Variants in ZC2HC1B observed in about 807,000 individuals in gnomAD.
ZC2HC1B encodes the protein zinc finger C2HC domain-containing protein 1B.
ZC2HC1B carries 36 observed loss-of-function variants against 31.0 expected under a neutral mutation model. That is an observed-to-expected ratio of 1.16 (90% CI 0.89 to 1.54). The LOEUF (loss-of-function observed/expected upper bound fraction) is 1.54, where lower values mean the gene tolerates loss of function less well. Ranked by LOEUF, ZC2HC1B falls within the 40% of genes most tolerant of loss-of-function variation. The pLI, the probability that ZC2HC1B is intolerant of heterozygous loss-of-function variation, is 0.00. For missense variants in ZC2HC1B, 260 were observed against 268.6 expected, an observed-to-expected ratio of 0.97 and a Z score of 0.22; for synonymous variants, 73 against 88.0, an observed-to-expected ratio of 0.83 and a Z score of 0.95.
rs941534960 is a variant in ZC2HC1B at position 143,864,487 on chromosome 6, C to G, written c.-53C>G. The G allele has an allele frequency of 5.2e-6, 8 of 1,543,872 alleles. No individual in the cohort carries two copies. In the African/African-American group the frequency reaches 9.6e-5, roughly 19 times the overall value. On this transcript the variant is annotated 5_prime_UTR_variant, in exon 1 of 8. In the 5' UTR this introduces an upstream ATG that the reference lacks. Transcript: ENST00000237275. ...ATGTTCTTGACTAGTATGATGTTATCTGGACTGGGCTGTAAAAATCTGTGA... is the reference window on the plus strand; with the variant it reads ...ATGTTCTTGACTAGTATGATGTTATGTGGACTGGGCTGTAAAAATCTGTGA...
At position 143,879,890 on chromosome 6, in the gene ZC2HC1B, T is replaced by A. The variant is rs1171702102; in HGVS notation, c.29-4414T>A. On this transcript the variant is annotated intron_variant, in intron 1 of 7. Transcript: ENST00000237275. ...TCTGTTGCCCAGCAGGCACAATCAATCATGGCTCACTGCAACCTCAGCCTC... is the reference window on the plus strand; with the variant it reads ...TCTGTTGCCCAGCAGGCACAATCAAACATGGCTCACTGCAACCTCAGCCTC... 1.6e-4 allele frequency among the ~76,000 whole-genome samples: 21 copies of A among 132,974 alleles called. No individual in the cohort carries two copies. The Admixed American group carries it at 1.7e-3, about 11-fold the overall frequency. The allele number at this position is 132,974 out of a possible 152,430, so 87.2% of individuals were successfully genotyped here.
rs1234305751 is a variant in ZC2HC1B, at chr6:143,905,448, GTT to G, written c.598+2301_598+2302del. 6.6e-6 allele frequency among the ~76,000 whole-genome samples: 1 copy of G among 152,278 alleles called. No individual in the cohort carries two copies. Among genetic ancestry groups the G allele is most frequent in the East Asian group, 1.9e-4 (1 of 5,192 alleles). On this transcript the variant is annotated intron_variant, in intron 6 of 7. Transcript: ENST00000237275. This position sits in a 1 kb window ranked among gnomAD's most constrained non-coding sequence, Gnocchi z 4.2. ...TGAATTAATTTATTGCTTCTAATAA[GTT>G]TTTTGGTGATATCTTTAGGATTTTC...
intron 6 of ZC2HC1B, among the ~76,000 whole-genome samples, chr6:143,904,828 T>C (rs1253855064): frequency 6.6e-6 from 1 of 152,224 alleles, no homozygotes; most frequent in Non-Finnish European, 1.5e-5. Context: ...TGAATGTAGA[T>C]GTCCAGTTTC....
intron 6 of ZC2HC1B, among the ~76,000 whole-genome samples, chr6:143,916,973 A>G (rs1304091367): frequency 6.6e-6 from 1 of 152,214 alleles, no homozygotes; most frequent in Non-Finnish European, 1.5e-5. Context: ...TGAAATGTGA[A>G]GACATGAGAT....
intron 6 of ZC2HC1B, among the ~76,000 whole-genome samples, chr6:143,928,824 G>GTTTT (rs59359194): frequency 7.7e-5 from 11 of 142,318 alleles, no homozygotes; most frequent in South Asian, 2.2e-4. Context: ...TATTCCTAGG[G>GTTTT]TTTTTTTTTT....
intron 6 of ZC2HC1B, among the ~76,000 whole-genome samples, chr6:143,927,549 T>C (rs371652292): frequency 6.3e-4 from 96 of 152,328 alleles, no homozygotes; most frequent in East Asian, 4.6e-3. Context: ...CAATCATCCA[T>C]TGATGGTTAT....
In ZC2HC1B at chr6:143,918,785, T is replaced by A. The variant is rs1777949832; in HGVS notation, c.598+15633T>A. On this transcript the variant is annotated intron_variant, in intron 6 of 7. Transcript: ENST00000237275. The surrounding 1 kb of genome is among the most constrained non-coding windows in gnomAD (Gnocchi z 4.1). ...TCCTCAGACTTGATAATTTCCATTG[T>A]CCTGTCTTTAAGTTTGCTGAGTCTT... Among the ~76,000 whole-genome samples the A allele has an allele frequency of 6.6e-6, 1 of 152,202 alleles. No individual in the cohort carries two copies. Among genetic ancestry groups the A allele is most frequent in the Non-Finnish European group, 1.5e-5 (1 of 68,030 alleles).
intron 1 of ZC2HC1B, among the ~76,000 whole-genome samples, chr6:143,882,659 A>G (rs1582954973): frequency 6.6e-6 from 1 of 151,788 alleles, no homozygotes; most frequent in Non-Finnish European, 1.5e-5. Context: ...CCTAAGGATC[A>G]TCTCTGCACT....
In ZC2HC1B at chr6:143,884,644, A is replaced by G. The variant is rs7755147; in HGVS notation, c.90+279A>G. The stretch of plus-strand genomic sequence containing the variant: ...TCCCTCAAGAGGTTTTGGCTCTTCC[A>G]CCTTTTCTTTAAGCATCGAAAATTC... On this transcript the variant is annotated intron_variant, in intron 2 of 7. Coordinates refer to ENST00000237275, the MANE Select transcript of ZC2HC1B (RefSeq NM_001013623.3). This position sits in a 1 kb window ranked among gnomAD's most constrained non-coding sequence, Gnocchi z 5.1. 0.051 allele frequency among the ~76,000 whole-genome samples: 7,788 copies of G among 152,184 alleles called. 300 individuals are homozygous for G. Among genetic ancestry groups the G allele is most frequent in the African/African-American group, 0.088 (3,637 of 41,512 alleles).
chr6:143,886,901 T>C lies in ZC2HC1B; in HGVS notation c.349+80T>C. 8.1e-7 allele frequency: 1 copy of C among 1,238,978 alleles called. No homozygotes were observed. Among genetic ancestry groups the C allele is most frequent in the Non-Finnish European group, 1.1e-6 (1 of 952,372 alleles). 76.7% of individuals were successfully genotyped at this position (1,238,978 alleles called of 1,614,324 possible). ...ATCATGCCCTCTATGCACTCTGAAA[T>C]TGACAATAACAATTACATAGAAGTA... On this transcript the variant is annotated intron_variant, in intron 4 of 7. Coordinates refer to ENST00000237275, the MANE Select transcript of ZC2HC1B (RefSeq NM_001013623.3). The surrounding 1 kb of genome is among the most constrained non-coding windows in gnomAD (Gnocchi z 4.2).
In ZC2HC1B at chr6:143,918,708, C is replaced by T. The variant is rs373048779; in HGVS notation, c.598+15556C>T. Among the ~76,000 whole-genome samples the T allele has an allele frequency of 2.0e-5, 3 of 152,232 alleles. No homozygotes were observed. Among genetic ancestry groups the T allele is most frequent in the South Asian group, 2.1e-4 (1 of 4,832 alleles). Reference sequence around the variant, plus strand: ...ATATGTTGGTCAGTTTGACAGTGTCCCACAGGTCCCTAAGGCTCTGTTCAC... The same window carrying T: ...ATATGTTGGTCAGTTTGACAGTGTCTCACAGGTCCCTAAGGCTCTGTTCAC... On this transcript the variant is annotated intron_variant, in intron 6 of 7. Coordinates refer to ENST00000237275, the MANE Select transcript of ZC2HC1B (RefSeq NM_001013623.3). The surrounding 1 kb of genome is among the most constrained non-coding windows in gnomAD (Gnocchi z 4.1).
intron 6 of ZC2HC1B, among the ~76,000 whole-genome samples, chr6:143,937,352 C>T (rs1345223613): frequency 6.6e-6 from 1 of 152,104 alleles, no homozygotes; most frequent in Admixed American, 6.5e-5. Context: ...GAGGGGATGT[C>T]GAAAGTCCTA....
In ZC2HC1B at chr6:143,870,682, G is replaced by A. The variant is rs765219423; in HGVS notation, c.28+6115G>A. On this transcript the variant is annotated intron_variant, in intron 1 of 7. Transcript: ENST00000237275. This position sits in a 1 kb window ranked among gnomAD's most constrained non-coding sequence, Gnocchi z 4.7. ...AGTTTCCACCAAAGCCCAGTAACAG[G>A]CCAAGAGCTGTCTCTCAAAAGAAGA... 1.2e-4 allele frequency among the ~76,000 whole-genome samples: 19 copies of A among 152,136 alleles called. No individual in the cohort carries two copies. Among genetic ancestry groups the A allele is most frequent in the Non-Finnish European group, 5.9e-5 (4 of 68,028 alleles).
intron 1 of ZC2HC1B, among the ~76,000 whole-genome samples, chr6:143,877,423 C>T (rs1313898186): frequency 2.0e-5 from 3 of 148,650 alleles, no homozygotes; most frequent in Non-Finnish European, 4.5e-5. Flanking sequence ...GCTGGAATTA[C>T]AGGCATGTAC....
chr6:143,897,958 A>G (rs9496804), intron 4 of ZC2HC1B, among the ~76,000 whole-genome samples: 3,366 of 152,326 alleles, frequency 0.022, 126 homozygotes, highest in African/African-American at 0.076. Context: ...AATTCATTTC[A>G]TTGAGAAGTT....
At position 143,917,122 on chromosome 6, in the gene ZC2HC1B, G is replaced by A. The variant is rs530455104; in HGVS notation, c.598+13970G>A. 4.5e-4 allele frequency among the ~76,000 whole-genome samples: 68 copies of A among 152,268 alleles called. No homozygotes were observed. The highest frequency in any genetic ancestry group is 1.2e-3 in the African/African-American group (51 of 41,542). On this transcript the variant is annotated intron_variant, in intron 6 of 7. Transcript: ENST00000237275. The surrounding 1 kb of genome is among the most constrained non-coding windows in gnomAD (Gnocchi z 4.1). ...GGCAAGTCTTTCCTGTGCTATTCTC[G>A]TGATAGTGAGTAAGTCTCATGAGAT...
intron 6 of ZC2HC1B, among the ~76,000 whole-genome samples, chr6:143,931,848 ACTT>A (rs200982467): frequency 0.01 from 1,394 of 139,310 alleles, 157 homozygotes; most frequent in Middle Eastern, 0.029. Context: ...TGTTCTTTGA[ACTT>A]CTTCTTCTTC....
chr6:143,909,403 GA>G (rs916924228), intron 6 of ZC2HC1B, among the ~76,000 whole-genome samples: 7 of 148,732 alleles, frequency 4.7e-5, no homozygotes, highest in East Asian at 2.0e-4. Flanking sequence ...TCTCAAAAAA[GA>G]AAAAAAAATA....
At chr6:143,926,378 G>A (rs1240605705) in intron 6 of ZC2HC1B, among the ~76,000 whole-genome samples, 1 of 152,022 alleles carries the variant, frequency 6.6e-6, no homozygotes, top group Non-Finnish European at 1.5e-5. Context: ...TTGACCCAAT[G>A]GCTGTTAAGC....
Sources: gnomAD v4.1 joint callset for allele counts (sites outside exome capture counted in the v4.1 genomes callset) on GRCh38, gnomAD v4.1.1 for gene constraint, Gnocchi (gnomAD v3.1) non-coding constraint, MANE v1.5 for transcripts, NCBI Gene and HGNC (gene_info 2026-07-23, HGNC 2026-07-21) for gene names.